WEE2: variants seen among roughly 807,000 people sequenced by gnomAD.
WEE2 encodes the protein wee1-like protein kinase 2.
WEE2 carries 50 observed loss-of-function variants against 60.1 expected under a neutral mutation model. The observed-to-expected ratio is 0.83, with a 90% CI of 0.66 to 1.05. The LOEUF (loss-of-function observed/expected upper bound fraction) is 1.05, where lower values mean the gene tolerates loss of function less well. Ranked by LOEUF, WEE2 falls within the 50% of genes least tolerant of loss-of-function variation. The probability of loss-of-function intolerance (pLI) is 0.00; values close to 1 mark genes in which losing one functional copy is unlikely to be tolerated. For missense variants in WEE2, 631 were observed against 684.3 expected, an observed-to-expected ratio of 0.92 and a Z score of 0.87; for synonymous variants, 240 against 241.0, an observed-to-expected ratio of 1.00 and a Z score of 0.04.
At chr7:141,716,131 C>T in intron 2 of WEE2, 91 bp from the exon 3 acceptor site, 2 of 1,110,548 alleles carry the variant, frequency 1.8e-6, no homozygotes, top group South Asian at 1.4e-5. Context: ...AATGAATTGT[C>T]TTATTTACTC....
intron 4 of WEE2, 187 bp from the exon 5 acceptor site, chr7:141,720,748 C>T (rs927683535): frequency 4.2e-5 from 29 of 693,982 alleles, no homozygotes; most frequent in Non-Finnish European, 6.2e-5. Context: ...CTTTCAACAG[C>T]CTTCATTGTT....
chr7:141,721,562 A>G (rs200739687), intron 5 of WEE2, among the ~76,000 whole-genome samples: 13 of 151,876 alleles, frequency 8.6e-5, no homozygotes, highest in Non-Finnish European at 1.5e-4. Flanking sequence ...GGGTTCAAGC[A>G]ATTCTCCTGC....
intron 8 of WEE2, among the ~76,000 whole-genome samples, chr7:141,724,652 T>TAGTC (rs1798979153): frequency 2.0e-5 from 3 of 152,250 alleles, no homozygotes; most frequent in South Asian, 4.1e-4. Context: ...AAATGATGTT[T>TAGTC]AGTCATTGCC....
intron 1 of WEE2, among the ~76,000 whole-genome samples, chr7:141,712,303 T>G (rs1798721354): frequency 6.6e-6 from 1 of 152,200 alleles, no homozygotes; most frequent in Admixed American, 6.5e-5. Flanking sequence ...TGTTTGTGTT[T>G]TTGTGAGAGG....
chr7:141,710,555 G>A (rs1022471104), intron 1 of WEE2, among the ~76,000 whole-genome samples: 4 of 152,200 alleles, frequency 2.6e-5, no homozygotes, highest in Non-Finnish European at 4.4e-5. Flanking sequence ...AGTTCAAAAC[G>A]TGTACTAGAG....
chr7:141,720,847 C>T, intron 4 of WEE2, 88 bp from the exon 5 acceptor site: 2 of 1,414,180 alleles, frequency 1.4e-6, no homozygotes, highest in South Asian at 2.5e-5. Context: ...TCTGCCATTG[C>T]TAGTAAAGCC....
rs960440691 is a variant in WEE2, at chr7:141,730,425, T to G, written c.*105T>G. 2 of 1,066,194 alleles carry G rather than the reference T, an allele frequency of 1.9e-6. No individual in the cohort carries two copies. The highest frequency in any genetic ancestry group is 2.8e-6 in the Non-Finnish European group (2 of 714,344). The allele number at this position is 1,066,194 out of a possible 1,614,324, so 66.0% of individuals were successfully genotyped here. On this transcript the variant is annotated 3_prime_UTR_variant, in exon 12 of 12. Transcript: ENST00000397541. ...GGGACTCGTTGTACATAGAAAGGAATAGAATTTAGTTTAGAGTTGAAGTCA... is the reference window on the plus strand; with the variant it reads ...GGGACTCGTTGTACATAGAAAGGAAGAGAATTTAGTTTAGAGTTGAAGTCA...
At chr7:141,722,317 A>G (rs1035871400) in intron 5 of WEE2, among the ~76,000 whole-genome samples, 10 of 152,178 alleles carry the variant, frequency 6.6e-5, no homozygotes, top group Non-Finnish European at 1.5e-4. Context: ...AGGCAGGAGA[A>G]TCGCTTGAAC....
Position 141,711,639 on chromosome 7 carries a change from T to C in WEE2, c.342+2539T>C, listed in dbSNP as rs1259274892. On this transcript the variant is annotated intron_variant, in intron 1 of 11. Coordinates refer to ENST00000397541, the MANE Select transcript of WEE2 (RefSeq NM_001105558.1). This position sits in a 1 kb window ranked among gnomAD's most constrained non-coding sequence, Gnocchi z 4.2. ...TGTGGCTAAAAGCATAGAACACTCA[T>C]TGATGACCGACCACTTGGTAGAAAT... is the stretch of plus-strand genomic sequence containing the variant. 2.0e-5 allele frequency: 3 copies of C among 152,226 alleles called. No homozygotes were observed. Among genetic ancestry groups the C allele is most frequent in the East Asian group, 1.9e-4 (1 of 5,198 alleles). The allele number at this position is 152,226 out of a possible 1,614,324, so 9.4% of individuals were successfully genotyped here. A position where few individuals can be genotyped will look rare whatever the true frequency, so the allele number is the denominator to read the frequency against.
chr7:141,715,015 C>T (rs769853949), intron 2 of WEE2, among the ~76,000 whole-genome samples: 4 of 152,266 alleles, frequency 2.6e-5, no homozygotes, highest in South Asian at 2.1e-4. Flanking sequence ...AGAATGGAAT[C>T]GCCTCCAAAG....
chr7:141,722,961 T>C (rs553322108), intron 5 of WEE2, among the ~76,000 whole-genome samples, 173 bp from the exon 6 acceptor site: 3 of 152,232 alleles, frequency 2.0e-5, no homozygotes, highest in Non-Finnish European at 2.9e-5. Context: ...ATGAGGAATG[T>C]ATTGATCAGA....
chr7:141,721,135 T>C, intron 5 of WEE2, 79 bp downstream of exon 5: 1 of 1,553,902 alleles, frequency 6.4e-7, no homozygotes, highest in Non-Finnish European at 8.8e-7. Context: ...TCCCTCCTCC[T>C]CATAGTTCAT....
At chr7:141,716,987 C>T (rs1047997653) in intron 3 of WEE2, among the ~76,000 whole-genome samples, 1 of 152,002 alleles carries the variant, frequency 6.6e-6, no homozygotes, top group Admixed American at 6.6e-5. Context: ...AGGGGGGAGA[C>T]CAAATGCCTG....
intron 5 of WEE2, among the ~76,000 whole-genome samples, chr7:141,722,156 A>T (rs1349204137): frequency 6.6e-6 from 1 of 152,166 alleles, no homozygotes; most frequent in Admixed American, 6.5e-5. Flanking sequence ...CTGTAATCCC[A>T]GCACTTTGGG....
In WEE2 at chr7:141,723,208, A is replaced by G; in HGVS notation, c.955A>G (p.Ile319Val). The change falls in exon 6 of 12, where the codon ATC becomes GTC. Residue 319 changes from isoleucine to valine, a missense_variant. Coordinates refer to ENST00000397541, the MANE Select transcript of WEE2 (RefSeq NM_001105558.1). ...NHFEEPKLKD[I>V]LLQISLGLNY... ...TTTTGAAGAGCCAAAACTCAAGGAC[A>G]TCCTTCTACAGATTTCCCTTGGCCT... 1 of 1,614,222 alleles carries G rather than the reference A, an allele frequency of 6.2e-7. No individual in the cohort carries two copies.
rs766616302 is a variant in WEE2 at position 141,719,078 on chromosome 7, G to A, written c.592G>A (p.Val198Ile). 1 of 1,613,376 alleles carries A rather than the reference G, an allele frequency of 6.2e-7. No homozygotes were observed. The highest frequency in any genetic ancestry group is 8.5e-7 in the Non-Finnish European group (1 of 1,179,764). Residue 198 changes from valine (V) to isoleucine (I), a missense_variant, in exon 4 of 12, where the codon GTT becomes ATT. Val to Ile is a conservative substitution (Grantham distance 29). Transcript: ENST00000397541. Reference protein sequence around the residue: ...GKGGLPAKRCVLRETNMASRY... With the variant: ...GKGGLPAKRCILRETNMASRY... ...TTTTATTAAAATACTTTAGAGATGTGTTTTACGAGAAACCAACATGGCTTC... is the reference window on the plus strand; with the variant it reads ...TTTTATTAAAATACTTTAGAGATGTATTTTACGAGAAACCAACATGGCTTC...
chr7:141,730,193 G>T, intron 11 of WEE2, 102 bp from the exon 12 acceptor site: 1 of 1,022,858 alleles, frequency 9.8e-7, no homozygotes, highest in Non-Finnish European at 1.4e-6. Flanking sequence ...TCTTCTCAAG[G>T]GTCCCAGACA....
intron 9 of WEE2, among the ~76,000 whole-genome samples, chr7:141,726,481 C>T (rs1799020555): frequency 5.3e-5 from 8 of 152,096 alleles, no homozygotes; most frequent in Admixed American, 5.2e-4. Flanking sequence ...ACAAATCTGT[C>T]CTTCTTCCTG....
At chr7:141,723,109 G>A in intron 5 of WEE2, 25 bp from the exon 6 acceptor site, 1 of 1,613,550 alleles carries the variant, frequency 6.2e-7, no homozygotes, top group Non-Finnish European at 8.5e-7. Context: ...ATACTGTGGG[G>A]CTGTTCTCTG....
Sources: gnomAD v4.1 joint callset for allele counts (sites outside exome capture counted in the v4.1 genomes callset) on GRCh38, gnomAD v4.1.1 for gene constraint, Gnocchi (gnomAD v3.1) non-coding constraint, MANE v1.5 for transcripts, NCBI Gene and HGNC (gene_info 2026-07-23, HGNC 2026-07-21) for gene names.